The following NKAIN3 variants were observed in gnomAD, a reference collection of about 807,000 sequenced individuals.
The protein encoded by NKAIN3 is sodium/potassium transporting ATPase interacting 3.
A neutral mutation model predicts 30.2 loss-of-function variants in NKAIN3; 25 were observed. The observed-to-expected ratio is 0.83, with a 90% confidence interval of 0.60 to 1.16. The LOEUF (loss-of-function observed/expected upper bound fraction) is 1.16, where lower values mean the gene tolerates loss of function less well. Among genes scored for constraint, NKAIN3 ranks in the 50% most tolerant of loss-of-function variants. The probability of loss-of-function intolerance (pLI) is 0.00; values close to 1 mark genes in which losing one functional copy is unlikely to be tolerated. For missense variants in NKAIN3, 225 were observed against 254.1 expected, an observed-to-expected ratio of 0.89 and a Z score of 0.78; for synonymous variants, 91 against 89.6, an observed-to-expected ratio of 1.02 and a Z score of -0.09.
chr8:62,412,788 T>A (rs1370343289), intron 1 of NKAIN3, among the ~76,000 whole-genome samples: 2 of 151,222 alleles, frequency 1.3e-5, no homozygotes, highest in African/African-American at 4.9e-5. Flanking sequence ...GGTGGGTGCC[T>A]GTAGCCCCAG....
At chr8:62,916,411 G>GT (rs1001017566) in intron 4 of NKAIN3, among the ~76,000 whole-genome samples, 1 of 152,140 alleles carries the variant, frequency 6.6e-6, no homozygotes, top group African/African-American at 2.4e-5. Context: ...GAAATCTATT[G>GT]TAAAGTTATT....
chr8:62,632,162 G>A (rs143228336), intron 3 of NKAIN3, among the ~76,000 whole-genome samples: 1 of 152,058 alleles, frequency 6.6e-6, no homozygotes, highest in African/African-American at 2.4e-5. Context: ...TTTCTTACAG[G>A]AAGGTGATCC....
At chr8:62,270,138 G>A (rs1563913470) in intron 1 of NKAIN3, among the ~76,000 whole-genome samples, 1 of 152,028 alleles carries the variant, frequency 6.6e-6, no homozygotes, top group Non-Finnish European at 1.5e-5. Context: ...GGAGTGCAGT[G>A]GTATGATCAC....
intron 1 of NKAIN3, among the ~76,000 whole-genome samples, chr8:62,450,281 G>C (rs1264656569): frequency 1.3e-5 from 2 of 152,126 alleles, no homozygotes; most frequent in Non-Finnish European, 2.9e-5. Context: ...AGTGAGGATA[G>C]GATCCCTTGT....
intron 1 of NKAIN3, among the ~76,000 whole-genome samples, chr8:62,521,896 C>G (rs1013253767): frequency 1.1e-4 from 17 of 152,080 alleles, no homozygotes; most frequent in African/African-American, 4.1e-4. Flanking sequence ...AGTCTGAATT[C>G]TTAAACGCTA....
chr8:62,396,958 A>G (rs1285921860), intron 1 of NKAIN3, among the ~76,000 whole-genome samples: 1 of 152,236 alleles, frequency 6.6e-6, no homozygotes, highest in Admixed American at 6.5e-5. Context: ...GCAGTGATAT[A>G]CATACAGGTT....
At chr8:62,607,064 A>G (rs1269510270) in intron 3 of NKAIN3, among the ~76,000 whole-genome samples, 2 of 152,196 alleles carry the variant, frequency 1.3e-5, no homozygotes, top group African/African-American at 4.8e-5. Context: ...GAATAATTGA[A>G]GACTGATTTG....
At chr8:62,565,382 G>GCA (rs2129995244) in intron 1 of NKAIN3, among the ~76,000 whole-genome samples, 1 of 152,082 alleles carries the variant, frequency 6.6e-6, no homozygotes, top group South Asian at 2.1e-4. Context: ...GTGTGTGTGT[G>GCA]TGACAGAGAG....
intron 4 of NKAIN3, among the ~76,000 whole-genome samples, chr8:62,783,723 G>T (rs1337029533): frequency 1.3e-5 from 2 of 150,614 alleles, no homozygotes; most frequent in Admixed American, 6.7e-5. Context: ...CAATCCTCTG[G>T]CCTCAGCCTC....
At chr8:62,558,596 T>G (rs1809477894) in intron 1 of NKAIN3, among the ~76,000 whole-genome samples, 1 of 152,094 alleles carries the variant, frequency 6.6e-6, no homozygotes, top group African/African-American at 2.4e-5. Flanking sequence ...TTGCTAACAT[T>G]ATGATTCATA....
intron 1 of NKAIN3, among the ~76,000 whole-genome samples, chr8:62,314,221 G>A (rs930289679): frequency 1.3e-5 from 2 of 152,094 alleles, no homozygotes; most frequent in Admixed American, 1.3e-4. Context: ...CTTTTAAATT[G>A]TTAAGTTGCT....
intron 3 of NKAIN3, among the ~76,000 whole-genome samples, chr8:62,652,518 C>A (rs1812654533): frequency 6.6e-6 from 1 of 152,048 alleles, no homozygotes; most frequent in Admixed American, 6.6e-5. Flanking sequence ...TCCCATTTTT[C>A]TTTATTAGAC....
chr8:62,331,445 G>T (rs893422424), intron 1 of NKAIN3, among the ~76,000 whole-genome samples: 1 of 152,024 alleles, frequency 6.6e-6, no homozygotes, highest in African/African-American at 2.4e-5. Context: ...TGAAGGCAGG[G>T]ACCACACCTC....
intron 1 of NKAIN3, among the ~76,000 whole-genome samples, chr8:62,336,371 G>A (rs1205275269): frequency 1.3e-5 from 2 of 152,018 alleles, no homozygotes; most frequent in East Asian, 1.9e-4. Context: ...TTCTTATCAC[G>A]TGCAACATTA....
At chr8:62,914,020 T>C (rs1437075766) in intron 4 of NKAIN3, among the ~76,000 whole-genome samples, 1 of 152,130 alleles carries the variant, frequency 6.6e-6, no homozygotes, top group African/African-American at 2.4e-5. Context: ...TATAAATCAC[T>C]CTATTATAAA....
chr8:62,733,482 T>C (rs2130549858), intron 3 of NKAIN3, among the ~76,000 whole-genome samples: 1 of 152,354 alleles, frequency 6.6e-6, no homozygotes, highest in African/African-American at 2.4e-5. Flanking sequence ...AATAGGTTCT[T>C]GCTTCCATTG....
At chr8:62,850,457 T>A (rs1225812986) in intron 4 of NKAIN3, among the ~76,000 whole-genome samples, 1 of 152,084 alleles carries the variant, frequency 6.6e-6, no homozygotes, top group Non-Finnish European at 1.5e-5. Context: ...CTCTTTAGTT[T>A]AATTAGATCC....
intron 4 of NKAIN3, among the ~76,000 whole-genome samples, chr8:62,862,713 T>C (rs1820290053): frequency 1.3e-5 from 2 of 152,058 alleles, no homozygotes; most frequent in African/African-American, 4.8e-5. Flanking sequence ...TTAGGAGAGA[T>C]GGGATACAAG....
At chr8:62,382,378 C>T (rs1270173184) in intron 1 of NKAIN3, among the ~76,000 whole-genome samples, 1 of 152,032 alleles carries the variant, frequency 6.6e-6, no homozygotes, top group Non-Finnish European at 1.5e-5. Context: ...AAGGGTTGGT[C>T]TTGCTGTCTC....
Sources: gnomAD v4.1 joint callset for allele counts (sites outside exome capture counted in the v4.1 genomes callset) on GRCh38, gnomAD v4.1.1 for gene constraint, MANE v1.5 for transcripts, NCBI Gene and HGNC (gene_info 2026-07-23, HGNC 2026-07-21) for gene names.